The following DOCK5 variants were observed in gnomAD, a reference collection of about 807,000 sequenced individuals.
DOCK5 encodes the protein dedicator of cytokinesis protein 5.
In DOCK5, 142 loss-of-function variants were observed where a neutral mutation model predicts 251.8. The observed-to-expected ratio is 0.56, with a 90% CI of 0.49 to 0.65. The LOEUF (loss-of-function observed/expected upper bound fraction) is 0.65, where lower values mean the gene tolerates loss of function less well. Ranked by LOEUF, DOCK5 falls within the 30% of genes least tolerant of loss-of-function variation. The pLI is 0.00. For synonymous variants in DOCK5, 842 were observed against 835.5 expected (o/e 1.01, Z -0.13); for missense variants, 2,111 against 2,312.3 (o/e 0.91, Z 1.79).
chr8:25,410,999 G>A (rs868304797), intron 51 of DOCK5, among the ~76,000 whole-genome samples, 195 bp from the exon 52 acceptor site: 16 of 129,874 alleles, frequency 1.2e-4, no homozygotes, highest in African/African-American at 4.9e-4. Flanking sequence ...ACGCACGCAC[G>A]CACGCGTGTG....
chr8:25,249,084 G>A (rs1803198416), intron 2 of DOCK5, among the ~76,000 whole-genome samples: 1 of 152,002 alleles, frequency 6.6e-6, no homozygotes, highest in African/African-American at 2.4e-5. Context: ...CTGTAACCTT[G>A]GCCTTTTGGA....
chr8:25,410,274 G>A lies in DOCK5; in HGVS notation c.5508+72G>A, dbSNP rs2117351426. ...GGGAAGGCAGCATCAGGTTTTCCAG[G>A]CTCTTTAGTGGGCAGGTTTGCTCAT... On this transcript the variant is annotated intron_variant, in intron 51 of 51. Coordinates refer to ENST00000276440, the MANE Select transcript of DOCK5 (RefSeq NM_024940.8). 2.3e-6 allele frequency: 3 copies of A among 1,328,922 alleles called. No individual in the cohort carries two copies. The East Asian group carries it at 7.3e-5, about 32-fold the overall frequency. The allele number at this position is 1,328,922 out of a possible 1,614,324, so 82.3% of individuals were successfully genotyped here. A position where few individuals can be genotyped will look rare whatever the true frequency, so the allele number is the denominator to read the frequency against.
intron 50 of DOCK5, chr8:25,409,299 G>A (rs1801576366): frequency 7.7e-6 from 2 of 259,008 alleles, no homozygotes; most frequent in Non-Finnish European, 1.5e-5. Context: ...ACTGCTTATA[G>A]TCTGGCTTGG....
intron 6 of DOCK5, among the ~76,000 whole-genome samples, chr8:25,295,824 T>C (rs1804603339): frequency 6.6e-6 from 1 of 152,162 alleles, no homozygotes; most frequent in African/African-American, 2.4e-5. Flanking sequence ...TATTTATTTA[T>C]TTATTTATTG....
intron 43 of DOCK5, among the ~76,000 whole-genome samples, chr8:25,392,589 C>A (rs757366561): frequency 1.3e-5 from 2 of 152,068 alleles, no homozygotes; most frequent in Non-Finnish European, 2.9e-5. Context: ...GTGAGAAGTC[C>A]CAAGTAGACG....
rs1017152527 is a variant in DOCK5 at position 25,332,653 on chromosome 8, A to G, written c.2052A>G (p.Ser684=). The G allele has an allele frequency of 1.1e-5, 18 of 1,612,596 alleles. No homozygotes were observed. Among genetic ancestry groups the G allele is most frequent in the Non-Finnish European group, 1.4e-5 (17 of 1,179,474 alleles). The change falls in exon 20 of 52, where the codon TCA becomes TCG. Residue 684 remains serine, a synonymous_variant. Transcript: ENST00000276440. ...TCTTTAACATAATGATGGAAATGTC[A>G]GACAGTGAAACCTATGACTTCCTTG... ...DALFNIMMEM[S]DSETYDFLVF...
At position 25,212,770 on chromosome 8, in the gene DOCK5, T is replaced by G. The variant is rs1378793778; in HGVS notation, c.43+27819T>G. ...TAGAGGAAAACCTCAGCAAGGGAGG[T>G]CTGTGTCAGGCCAGCGTGATTCTAG... On this transcript the variant is annotated intron_variant, in intron 1 of 51. Coordinates refer to ENST00000276440, the MANE Select transcript of DOCK5 (RefSeq NM_024940.8). Among the ~76,000 whole-genome samples the G allele has an allele frequency of 2.9e-5, 2 of 68,768 alleles. 1 individual carries two copies. Among genetic ancestry groups the G allele is most frequent in the Non-Finnish European group, 9.4e-5 (2 of 21,190 alleles). 45.1% of individuals were successfully genotyped at this position (68,768 alleles called of 152,430 possible). A position where few individuals can be genotyped will look rare whatever the true frequency, so the allele number is the denominator to read the frequency against.
chr8:25,275,386 G>T lies in DOCK5; in HGVS notation c.169G>T (p.Gly57Cys). 5 of 1,604,460 alleles carry T rather than the reference G, an allele frequency of 3.1e-6. No homozygotes were observed. Among genetic ancestry groups the T allele is most frequent in the Non-Finnish European group, 4.2e-6 (5 of 1,177,190 alleles). The change falls in exon 4 of 52, where the codon GGC (glycine) becomes TGC (cysteine). Residue 57 changes from glycine (G) to cysteine (C), a missense_variant and splice_region_variant. By Grantham distance (159) the Gly-to-Cys change is radical (BLOSUM62 -3). Around this residue, in one of 3 missense-constraint regions of DOCK5, gnomAD observed 335 missense variants for 324.9 expected, o/e 1.03. Coordinates refer to ENST00000276440, the MANE Select transcript of DOCK5 (RefSeq NM_024940.8). Reference protein sequence around the residue: ...GYTLQNKSKKGIFPETYIHLK... With the variant: ...GYTLQNKSKKCIFPETYIHLK... ...ATAACCAAAATTCTTTTCTCTGTAGGGCATTTTCCCTGAAACATATATCCA... is the reference window on the plus strand; with the variant it reads ...ATAACCAAAATTCTTTTCTCTGTAGTGCATTTTCCCTGAAACATATATCCA...
At chr8:25,223,823 G>T (rs1004165289) in intron 1 of DOCK5, among the ~76,000 whole-genome samples, 2 of 152,138 alleles carry the variant, frequency 1.3e-5, no homozygotes, top group Non-Finnish European at 2.9e-5. Flanking sequence ...TTAAATTTCT[G>T]TTAAACAGCG....
At chr8:25,378,638 G>T (rs185280704) in intron 38 of DOCK5, among the ~76,000 whole-genome samples, 49 of 152,230 alleles carry the variant, frequency 3.2e-4, no homozygotes, top group Admixed American at 2.4e-3. Context: ...GGGGTTAGAA[G>T]GCTCAATCTG....
intron 28 of DOCK5, among the ~76,000 whole-genome samples, chr8:25,362,236 A>C (rs1800695930): frequency 6.6e-6 from 1 of 152,098 alleles, no homozygotes; most frequent in African/African-American, 2.4e-5. Flanking sequence ...TCCTTTTCTA[A>C]CCATAATAAA....
At position 25,321,067 on chromosome 8, in the gene DOCK5, G is replaced by T. The variant is rs551980562; in HGVS notation, c.1615+15G>T. 2 of 1,609,516 alleles carry T rather than the reference G, an allele frequency of 1.2e-6. No homozygotes were observed. Among genetic ancestry groups the T allele is most frequent in the Non-Finnish European group, 1.7e-6 (2 of 1,177,832 alleles). Reference sequence around the variant, plus strand: ...ATCTCAGGAAAGTAAGTATTAAGACGTCTATGACATATTTCCACTTAAAAA... The same window carrying T: ...ATCTCAGGAAAGTAAGTATTAAGACTTCTATGACATATTTCCACTTAAAAA... On this transcript the variant is annotated intron_variant, in intron 16 of 51. Coordinates refer to ENST00000276440, the MANE Select transcript of DOCK5 (RefSeq NM_024940.8).
At chr8:25,360,154 C>T (rs1800650954) in intron 28 of DOCK5, among the ~76,000 whole-genome samples, 1 of 152,218 alleles carries the variant, frequency 6.6e-6, no homozygotes, top group Non-Finnish European at 1.5e-5. Flanking sequence ...GGCCAGTGCC[C>T]CCATGGATTC....
intron 1 of DOCK5, among the ~76,000 whole-genome samples, chr8:25,235,546 C>T (rs1295263175): frequency 6.6e-6 from 1 of 152,192 alleles, no homozygotes; most frequent in Non-Finnish European, 1.5e-5. Context: ...GCGTGAGCCA[C>T]TATGCTGGGC....
intron 2 of DOCK5, among the ~76,000 whole-genome samples, chr8:25,251,593 G>A (rs370392990): frequency 1.3e-4 from 20 of 152,140 alleles, no homozygotes; most frequent in African/African-American, 4.3e-4. Flanking sequence ...TATAAAGCAG[G>A]CCTTTGTGAG....
intron 3 of DOCK5, among the ~76,000 whole-genome samples, chr8:25,273,088 A>G (rs1389886956): frequency 6.6e-6 from 1 of 151,374 alleles, no homozygotes; most frequent in Admixed American, 6.6e-5. Context: ...GCACAGTGGC[A>G]CAGCGGCACA....
chr8:25,224,827 G>A (rs1297474292), intron 1 of DOCK5, among the ~76,000 whole-genome samples: 2 of 152,086 alleles, frequency 1.3e-5, no homozygotes, highest in East Asian at 3.9e-4. Flanking sequence ...CTCTGCTCTG[G>A]GCCACCCTGG....
chr8:25,365,687 T>C (rs1281834009), intron 30 of DOCK5, among the ~76,000 whole-genome samples: 18 of 152,168 alleles, frequency 1.2e-4, no homozygotes, highest in Admixed American at 1.2e-3. Context: ...AGAGGTACTT[T>C]CAATTTTTCA....
intron 38 of DOCK5, among the ~76,000 whole-genome samples, chr8:25,378,110 C>A (rs1800996563): frequency 2.0e-5 from 3 of 152,138 alleles, no homozygotes. Flanking sequence ...CTTTAGCCTT[C>A]CTTTTGTCCC....
Sources: gnomAD v4.1 joint callset for allele counts (sites outside exome capture counted in the v4.1 genomes callset) on GRCh38, gnomAD v4.1.1 for gene constraint, gnomAD v4.1.1 regional missense constraint, MANE v1.5 for transcripts, NCBI Gene and HGNC (gene_info 2026-07-23, HGNC 2026-07-21) for gene names.